Variants in SETDB1 observed in about 807,000 individuals in gnomAD.
SETDB1 encodes SET domain bifurcated histone lysine methyltransferase 1, also known as histone-lysine N-methyltransferase SETDB1.
Under a neutral mutation model 137.4 loss-of-function variants are expected in SETDB1, and 31 were observed. The observed-to-expected ratio is 0.23, with a 90% CI of 0.17 to 0.30. SETDB1 has a LOEUF of 0.30. Among genes scored for constraint, SETDB1 ranks in the 10% least tolerant of loss-of-function variants. SETDB1 has a pLI of 1.00. For synonymous variants in SETDB1, 548 were observed against 579.9 expected, an observed-to-expected ratio of 0.95 and a Z score of 0.79; for missense variants, 1,113 against 1,631.5, an observed-to-expected ratio of 0.68 and a Z score of 5.47.
At position 150,964,645 on chromosome 1, in the gene SETDB1, T is replaced by TAACA; in HGVS notation, c.*282_*285dup. ...ATATTTGTCCAAGTGTTCCTGCTTCTAACAGACTTTGTTCTTAGAATGGAG... is the reference window on the plus strand; with the variant it reads ...ATATTTGTCCAAGTGTTCCTGCTTCTAACAAACAGACTTTGTTCTTAGAATGGAG... On this transcript the variant is annotated 3_prime_UTR_variant, in exon 22 of 22. Transcript: ENST00000692827. The TAACA allele has an allele frequency of 1.6e-6, 1 of 614,232 alleles. No individual in the cohort carries two copies. The allele number at this position is 614,232 out of a possible 1,614,324, so 38.0% of individuals were successfully genotyped here. A position where few individuals can be genotyped will look rare whatever the true frequency, so the allele number is the denominator to read the frequency against.
Position 150,942,954 on chromosome 1 carries a change from A to C in SETDB1, c.776A>C (p.Tyr259Ser). 1 of 1,613,952 alleles carries C rather than the reference A, an allele frequency of 6.2e-7. No individual in the cohort carries two copies. Among genetic ancestry groups the C allele is most frequent in the Non-Finnish European group, 8.5e-7 (1 of 1,179,812 alleles). Residue 259 changes from tyrosine to serine, a missense_variant, in exon 7 of 22, where the codon TAT becomes TCT. Tyr to Ser is a moderately radical substitution (Grantham distance 144). Coordinates refer to ENST00000692827, the MANE Select transcript of SETDB1 (RefSeq NM_001366418.1). ...TACCACCCTCCTGCTGACAAGCTGT[A>C]TGTGGGCAGTCGGGTGGTCGCCAAA... ...YDYHPPADKL[Y>S]VGSRVVAKYK...
chr1:150,949,282 A>C lies in SETDB1; in HGVS notation c.1424+4A>C, dbSNP rs779031156. 8 of 1,612,944 alleles carry C rather than the reference A, an allele frequency of 5.0e-6. No homozygotes were observed. Among genetic ancestry groups the C allele is most frequent in the Non-Finnish European group, 5.9e-6 (7 of 1,179,478 alleles). On this transcript the variant is annotated splice_donor_region_variant and intron_variant, in intron 11 of 21. Coordinates refer to ENST00000692827, the MANE Select transcript of SETDB1 (RefSeq NM_001366418.1). Reference sequence around the variant, plus strand: ...CCCCCCAAGCAGGTGACAGTGAGTGAGTGTTATTCTTTCTTTTTCTTCAGT... The same window carrying C: ...CCCCCCAAGCAGGTGACAGTGAGTGCGTGTTATTCTTTCTTTTTCTTCAGT...
At chr1:150,937,105 A>G (rs1417016974) in intron 3 of SETDB1, among the ~76,000 whole-genome samples, 2 of 152,056 alleles carry the variant, frequency 1.3e-5, no homozygotes, top group African/African-American at 4.8e-5. Context: ...AGCCTGGATG[A>G]CAGAGTAAGA....
Position 150,951,424 on chromosome 1 carries a change from A to G in SETDB1, c.2276A>G (p.Gln759Arg), listed in dbSNP as rs762402411. ...GCTACAGCCTGTACCCCAGGAGGCC[A>G]AATCAACCCTAACTCTGGCTACCAG... Reference protein sequence around the residue: ...IQATACTPGGQINPNSGYQYK... With the variant: ...IQATACTPGGRINPNSGYQYK... The change falls in exon 14 of 22, where the codon CAA becomes CGA. Residue 759 changes from glutamine (Q) to arginine (R), a missense_variant. Physicochemically the swap from Gln to Arg is conservative, Grantham distance 43. This residue lies in a region of SETDB1 where 81 missense variants were observed against 123.4 expected (regional missense o/e 0.66). Coordinates refer to ENST00000692827, the MANE Select transcript of SETDB1 (RefSeq NM_001366418.1). The G allele has an allele frequency of 1.2e-6, 2 of 1,614,050 alleles. No individual in the cohort carries two copies. The highest frequency in any genetic ancestry group is 1.7e-6 in the Non-Finnish European group (2 of 1,179,858).
chr1:150,944,589 G>A (rs951109506), intron 8 of SETDB1, among the ~76,000 whole-genome samples: 8 of 152,142 alleles, frequency 5.3e-5, no homozygotes, highest in Admixed American at 1.3e-4. Flanking sequence ...GATGCCACCT[G>A]ATCTTTTTAA....
chr1:150,961,941 G>C (rs1670837430), intron 16 of SETDB1, 189 bp from the exon 17 acceptor site: 1 of 696,986 alleles, frequency 1.4e-6, no homozygotes, highest in Admixed American at 2.0e-5. Flanking sequence ...TCACTGAGAA[G>C]GCTTAAAGGC....
intron 4 of SETDB1, 80 bp downstream of exon 4, chr1:150,940,054 T>G (rs587649528): frequency 4.0e-6 from 4 of 1,009,342 alleles, no homozygotes; most frequent in African/African-American, 3.2e-5. Flanking sequence ...ATTTAATCAG[T>G]TTAGCTGTCA....
Sources: gnomAD v4.1 joint callset for allele counts (sites outside exome capture counted in the v4.1 genomes callset) on GRCh38, gnomAD v4.1.1 for gene constraint, gnomAD v4.1.1 regional missense constraint, MANE v1.5 for transcripts, NCBI Gene and HGNC (gene_info 2026-07-23, HGNC 2026-07-21) for gene names.